The following JMJD1C variants were observed in gnomAD, a reference collection of about 807,000 sequenced individuals.
JMJD1C encodes jumonji domain-containing protein 1C.
Under a neutral mutation model 245.3 loss-of-function variants are expected in JMJD1C, and 31 were observed. The observed-to-expected ratio is 0.13, with a 90% confidence interval of 0.09 to 0.17. The LOEUF (loss-of-function observed/expected upper bound fraction) is 0.17. Among genes scored for constraint, JMJD1C ranks in the 10% least tolerant of loss-of-function variants. The pLI, the probability that JMJD1C is intolerant of heterozygous loss-of-function variation, is 1.00. For missense variants in JMJD1C, 2,691 were observed against 3,000.2 expected (o/e 0.90, Z 2.41); for synonymous variants, 1,057 against 1,017.4 (o/e 1.04, Z -0.74).
intron 2 of JMJD1C, among the ~76,000 whole-genome samples, chr10:63,284,468 G>A (rs564996184): frequency 1.3e-5 from 2 of 152,140 alleles, no homozygotes; most frequent in African/African-American, 2.4e-5. Context: ...CCAAGGCCTA[G>A]AACCAGTGGT....
chr10:63,393,559 T>C (rs1466294395), intron 1 of JMJD1C, among the ~76,000 whole-genome samples: 3 of 152,160 alleles, frequency 2.0e-5, no homozygotes, highest in African/African-American at 4.8e-5. Context: ...GGAAAAGATA[T>C]CAGCACATCA....
intron 2 of JMJD1C, among the ~76,000 whole-genome samples, chr10:63,300,985 G>GCATA (rs759082584): frequency 4.9e-4 from 75 of 152,166 alleles, no homozygotes; most frequent in South Asian, 1.2e-3. Flanking sequence ...GGCTACTGAA[G>GCATA]CATATATCCC....
intron 1 of JMJD1C, among the ~76,000 whole-genome samples, chr10:63,389,831 T>C (rs983304783): frequency 6.6e-6 from 1 of 152,156 alleles, no homozygotes; most frequent in Non-Finnish European, 1.5e-5. Context: ...AAATCAAATG[T>C]AGCTTTACAA....
chr10:63,480,676 CT>C (rs1330168254), intron 1 of JMJD1C, among the ~76,000 whole-genome samples: 2 of 151,484 alleles, frequency 1.3e-5, no homozygotes, highest in African/African-American at 4.9e-5. Flanking sequence ...GTTTGAATGC[CT>C]ATAGATAGAG....
Position 63,208,575 on chromosome 10 carries a change from C to A in JMJD1C, c.3094G>T (p.Val1032Phe). The A allele has an allele frequency of 6.2e-7, 1 of 1,614,050 alleles. No individual in the cohort carries two copies. Among genetic ancestry groups the A allele is most frequent in the South Asian group, 1.1e-5 (1 of 91,076 alleles). ...TTGATTTTAGTTGTAAAGGGAGCAA[C>A]ATCAATACTTTCTTGAAGAATTCGA... is the stretch of plus-strand genomic sequence containing the variant. The part of the protein sequence containing the change: ...HRRILQESID[V>F]APFTTKIKGL... The change falls in exon 10 of 26, where the codon GTT becomes TTT. Residue 1032 changes from valine (V) to phenylalanine (F), a missense_variant. By Grantham distance (50) the Val-to-Phe change is conservative (BLOSUM62 -1). This residue lies in a region of JMJD1C where 1,562 missense variants were observed against 1,490.7 expected (regional missense o/e 1.05). Transcript: ENST00000399262.
chr10:63,268,520 T>G, intron 2 of JMJD1C: 1 of 169,902 alleles, frequency 5.9e-6, no homozygotes, highest in Non-Finnish European at 1.2e-5. Flanking sequence ...TTTAAACAAA[T>G]GAAAGTTAAA....
Position 63,412,129 on chromosome 10 carries a change from C to A in JMJD1C, c.169-31647G>T, listed in dbSNP as rs150880802. Among the ~76,000 whole-genome samples, 489 of 152,148 alleles carry A rather than the reference C, an allele frequency of 3.2e-3. 2 individuals carry two copies. Among genetic ancestry groups the A allele is most frequent in the African/African-American group, 0.011 (473 of 41,476 alleles). On this transcript the variant is annotated intron_variant, in intron 1 of 25. Transcript: ENST00000399262. ...CCCTGGAACAATTCAGGGGTTGGGA[C>A]TGAGGACAGCCCGCCCAGTCGAAAA... is the stretch of plus-strand genomic sequence containing the variant.
rs187092019 is a variant in JMJD1C, at chr10:63,283,466, G to C, written c.334-18702C>G. ...ACTGTGACCTCCGCTTCCCAAGTTT[G>C]AACGATTCTCCTGCCTCAGCCTCCC... On this transcript the variant is annotated intron_variant, in intron 2 of 25. Transcript: ENST00000399262. 4.2e-3 allele frequency among the ~76,000 whole-genome samples: 634 copies of C among 149,486 alleles called. 2 individuals carry two copies. The highest frequency in any genetic ancestry group is 0.014 in the African/African-American group (562 of 40,608).
intron 1 of JMJD1C, among the ~76,000 whole-genome samples, chr10:63,443,783 G>A (rs1951532859): frequency 6.6e-6 from 1 of 152,190 alleles, no homozygotes; most frequent in Non-Finnish European, 1.5e-5. Flanking sequence ...TCTTTTTGGT[G>A]ACCAGACCAT....
At chr10:63,392,489 G>C (rs1439321580) in intron 1 of JMJD1C, among the ~76,000 whole-genome samples, 3 of 151,954 alleles carry the variant, frequency 2.0e-5, no homozygotes, top group Admixed American at 6.6e-5. Flanking sequence ...TAATAATTCA[G>C]AATATATGAG....
Position 63,380,353 on chromosome 10 carries a change from C to T in JMJD1C, c.298G>A (p.Gly100Arg). The change falls in exon 2 of 26, where the codon GGA becomes AGA. Residue 100 changes from glycine (G) to arginine (R), a missense_variant. Gly to Arg is a moderately radical substitution (Grantham distance 125). This residue lies in a region of JMJD1C where 172 missense variants were observed against 240.8 expected (regional missense o/e 0.71). Transcript: ENST00000399262. ...CACTGAATCTGTTTGCTCTTTGATC[C>T]CTGAGTCTGGCTAGGGTCATTCCTT... ...AKRNDPSQTQ[G>R]SKSKQIQWPA... The T allele has an allele frequency of 6.2e-7, 1 of 1,613,786 alleles. No homozygotes were observed. The highest frequency in any genetic ancestry group is 8.5e-7 in the Non-Finnish European group (1 of 1,179,912).
intron 1 of JMJD1C, among the ~76,000 whole-genome samples, chr10:63,499,802 T>C (rs1954484396): frequency 1.3e-5 from 2 of 152,226 alleles, no homozygotes; most frequent in African/African-American, 4.8e-5. Flanking sequence ...AGCAAATTTA[T>C]AAACATACAC....
At chr10:63,412,805 T>A (rs1004983755) in intron 1 of JMJD1C, among the ~76,000 whole-genome samples, 3 of 152,200 alleles carry the variant, frequency 2.0e-5, no homozygotes, top group Admixed American at 2.0e-4. Context: ...TCTAAATTTT[T>A]AAAAATATTT....
intron 1 of JMJD1C, among the ~76,000 whole-genome samples, chr10:63,514,251 C>T (rs1954952694): frequency 6.6e-6 from 1 of 152,172 alleles, no homozygotes; most frequent in South Asian, 2.1e-4. Context: ...AAAAGAACTA[C>T]CACTCGACCC....
rs566278607 is a variant in JMJD1C at position 63,280,245 on chromosome 10, C to T, written c.334-15481G>A. ...AAGAGGGGCAAATAATAAATATGTA[C>T]GATTATTTAAAAAGTTAGTGTAGGC... On this transcript the variant is annotated intron_variant, in intron 2 of 25. Transcript: ENST00000399262. Among the ~76,000 whole-genome samples the T allele has an allele frequency of 8.6e-5, 13 of 151,416 alleles. No homozygotes were observed. In the East Asian group the frequency reaches 2.6e-3, roughly 30 times the overall value.
At chr10:63,399,392 T>A (rs1387500705) in intron 1 of JMJD1C, among the ~76,000 whole-genome samples, 1 of 152,146 alleles carries the variant, frequency 6.6e-6, no homozygotes, top group Non-Finnish European at 1.5e-5. Context: ...GAAACAACAA[T>A]CAGAGTGCTA....
At chr10:63,280,880 G>A (rs1446666752) in intron 2 of JMJD1C, among the ~76,000 whole-genome samples, 1 of 151,938 alleles carries the variant, frequency 6.6e-6, no homozygotes, top group Admixed American at 6.6e-5. Flanking sequence ...AGTAAACCAA[G>A]TAGGCTGTCC....
rs914683727 is a variant in JMJD1C, at chr10:63,212,696, C to T, written c.2694+777G>A. ...CTGTACTATACCATTAATATACAAA[C>T]ATACATCTGGAGAATATAACAATTT... On this transcript the variant is annotated intron_variant, in intron 8 of 25. Coordinates refer to ENST00000399262, the MANE Select transcript of JMJD1C (RefSeq NM_032776.3). Among the ~76,000 whole-genome samples the T allele has an allele frequency of 3.3e-5, 5 of 152,006 alleles. No individual in the cohort carries two copies. The East Asian group carries it at 9.6e-4, about 29-fold the overall frequency.
intron 1 of JMJD1C, among the ~76,000 whole-genome samples, chr10:63,482,789 T>C (rs754840352): frequency 6.6e-5 from 10 of 152,180 alleles, no homozygotes; most frequent in Non-Finnish European, 1.3e-4. Flanking sequence ...ATAATTCCTA[T>C]ATAAAGAAGC....
Sources: gnomAD v4.1 joint callset for allele counts (sites outside exome capture counted in the v4.1 genomes callset) on GRCh38, gnomAD v4.1.1 for gene constraint, gnomAD v4.1.1 regional missense constraint, MANE v1.5 for transcripts, NCBI Gene and HGNC (gene_info 2026-07-23, HGNC 2026-07-21) for gene names.